The following PDSS2 variants were observed in gnomAD, a reference collection of about 807,000 sequenced individuals.
PDSS2 encodes decaprenyl diphosphate synthase subunit 2.
In PDSS2, 31 loss-of-function variants were observed where a neutral mutation model predicts 44.5. The ratio of observed to expected loss-of-function variants is 0.70; its 90% confidence interval spans 0.52 to 0.94. PDSS2 has a LOEUF of 0.94. Ranked by LOEUF, PDSS2 falls within the 40% of genes least tolerant of loss-of-function variation. The pLI is 0.00. For synonymous variants in PDSS2, 157 were observed against 180.3 expected (o/e 0.87, Z 1.03); for missense variants, 452 against 482.2 (o/e 0.94, Z 0.59).
At chr6:107,217,455 A>T (rs1009369657) in intron 4 of PDSS2, among the ~76,000 whole-genome samples, 11 of 152,162 alleles carry the variant, frequency 7.2e-5, no homozygotes, top group Non-Finnish European at 1.0e-4. Context: ...AGGAATAAAC[A>T]TGGAAATTAG....
At chr6:107,293,568 G>T (rs777150232) in intron 2 of PDSS2, among the ~76,000 whole-genome samples, 2 of 152,116 alleles carry the variant, frequency 1.3e-5, no homozygotes, top group African/African-American at 4.8e-5. Flanking sequence ...GCAGGTGGAG[G>T]ATTAAAGAAC....
At chr6:107,337,385 C>T (rs1159315768) in intron 1 of PDSS2, among the ~76,000 whole-genome samples, 1 of 152,186 alleles carries the variant, frequency 6.6e-6, no homozygotes, top group Non-Finnish European at 1.5e-5. Context: ...GATGCTCCAT[C>T]TGCTTCCTTT....
At chr6:107,295,150 T>C (rs1776472503) in intron 2 of PDSS2, among the ~76,000 whole-genome samples, 1 of 152,172 alleles carries the variant, frequency 6.6e-6, no homozygotes, top group African/African-American at 2.4e-5. Context: ...GCCAGGCTGG[T>C]CTTGAACTCC....
intron 1 of PDSS2, among the ~76,000 whole-genome samples, chr6:107,361,890 C>T (rs1409169201): frequency 6.6e-6 from 1 of 152,232 alleles, no homozygotes; most frequent in Non-Finnish European, 1.5e-5. Context: ...CCTCCATCCC[C>T]TTGCTTTATC....
chr6:107,432,951 C>A (rs1048651076), intron 1 of PDSS2, among the ~76,000 whole-genome samples: 1 of 152,084 alleles, frequency 6.6e-6, no homozygotes, highest in African/African-American at 2.4e-5. Context: ...TCCCTACCAC[C>A]CCAATAACCA....
chr6:107,212,360 G>T lies in PDSS2; in HGVS notation c.703-78C>A, dbSNP rs1773251033. 15 of 1,202,036 alleles carry T rather than the reference G, an allele frequency of 1.2e-5. No homozygotes were observed. In the East Asian group the frequency reaches 3.5e-4, roughly 28 times the overall value. The allele number at this position is 1,202,036 out of a possible 1,614,324, so 74.5% of individuals were successfully genotyped here. On this transcript the variant is annotated intron_variant, in intron 4 of 7. Coordinates refer to ENST00000369037, the MANE Select transcript of PDSS2 (RefSeq NM_020381.4). ...GTTTCTGTTTTTGAAGAATAAAAAA[G>T]TTAAGAAACGAACTATTCAAAAACA... is the stretch of plus-strand genomic sequence containing the variant.
At chr6:107,362,454 G>A (rs1013894760) in intron 1 of PDSS2, among the ~76,000 whole-genome samples, 1 of 152,186 alleles carries the variant, frequency 6.6e-6, no homozygotes, top group African/African-American at 2.4e-5. Context: ...CAAATAAAAG[G>A]AAGGGATAAA....
At chr6:107,298,188 AG>A (rs1776572813) in intron 2 of PDSS2, among the ~76,000 whole-genome samples, 3 of 152,250 alleles carry the variant, frequency 2.0e-5, no homozygotes, top group Admixed American at 2.0e-4. Flanking sequence ...AAGAAGTAGC[AG>A]AAAGTGAGAG....
chr6:107,258,524 G>A (rs1043058235), intron 3 of PDSS2, among the ~76,000 whole-genome samples: 9 of 151,726 alleles, frequency 5.9e-5, no homozygotes, highest in Admixed American at 3.9e-4. Context: ...ATGTTTCACC[G>A]GGCACAGTGG....
chr6:107,255,022 C>G (rs985748084), intron 3 of PDSS2, among the ~76,000 whole-genome samples: 1 of 151,470 alleles, frequency 6.6e-6, no homozygotes, highest in Non-Finnish European at 1.5e-5. Context: ...CATTACCATG[C>G]CCAGCTAACT....
rs12663791 is a variant in PDSS2, at chr6:107,162,571, A to T, written c.1042-7794T>A. ...TTGTTCAAGTTTCCAATTTTTAAAAATTTACACTTTTTCTTTTTATTTTGT... is the reference window on the plus strand; with the variant it reads ...TTGTTCAAGTTTCCAATTTTTAAAATTTTACACTTTTTCTTTTTATTTTGT... On this transcript the variant is annotated intron_variant, in intron 7 of 7. Transcript: ENST00000369037. 8.6e-3 allele frequency among the ~76,000 whole-genome samples: 1,262 copies of T among 146,518 alleles called. 72 individuals are homozygous for T. The East Asian group carries it at 0.15, about 17-fold the overall frequency.
intron 1 of PDSS2, among the ~76,000 whole-genome samples, chr6:107,359,324 A>C (rs1182025266): frequency 6.6e-6 from 1 of 151,844 alleles, no homozygotes; most frequent in African/African-American, 2.4e-5. Flanking sequence ...TATTCTCTTA[A>C]AGATTACTTC....
At chr6:107,387,775 T>C (rs927264897) in intron 1 of PDSS2, among the ~76,000 whole-genome samples, 1 of 152,216 alleles carries the variant, frequency 6.6e-6, no homozygotes, top group African/African-American at 2.4e-5. Context: ...GTATTAGAAG[T>C]TGCAATGATT....
chr6:107,264,171 T>C (rs1209697429), intron 3 of PDSS2: 2 of 878,030 alleles, frequency 2.3e-6, no homozygotes. Context: ...CTATAACAGA[T>C]AAGACAAACA....
intron 2 of PDSS2, among the ~76,000 whole-genome samples, chr6:107,320,820 T>C (rs1777358311): frequency 6.6e-6 from 1 of 152,112 alleles, no homozygotes; most frequent in Non-Finnish European, 1.5e-5. Context: ...AAAGAAAAAG[T>C]TTATAACCTG....
At chr6:107,160,186 A>G (rs1304513950) in intron 7 of PDSS2, among the ~76,000 whole-genome samples, 1 of 152,202 alleles carries the variant, frequency 6.6e-6, no homozygotes, top group Non-Finnish European at 1.5e-5. Flanking sequence ...ATTGCAATCC[A>G]GCCTGGGGGC....
chr6:107,417,926 C>T (rs1437477899), intron 1 of PDSS2, among the ~76,000 whole-genome samples: 2 of 151,470 alleles, frequency 1.3e-5, no homozygotes, highest in African/African-American at 4.9e-5. Flanking sequence ...ATCACAGATA[C>T]AACATTATAC....
rs756043067 is a variant in PDSS2, at chr6:107,207,978, G to GTTTTTTTTTTTT, written c.1008+2449_1008+2460dup. On this transcript the variant is annotated intron_variant, in intron 6 of 7. Coordinates refer to ENST00000369037, the MANE Select transcript of PDSS2 (RefSeq NM_020381.4). ...TTTTAGTTTTCTCTGTCTATGACTT[G>GTTTTTTTTTTTT]TTTTTTTTTTTTTTTTTTTTTTTAT... Among the ~76,000 whole-genome samples, 58 of 67,554 alleles carry GTTTTTTTTTTTT rather than the reference G, an allele frequency of 8.6e-4. 2 individuals carry two copies. The highest frequency in any genetic ancestry group is 3.0e-3 in the East Asian group (5 of 1,662). 44.3% of individuals were successfully genotyped at this position (67,554 alleles called of 152,430 possible).
At chr6:107,209,557 C>A (rs376198953) in intron 6 of PDSS2, among the ~76,000 whole-genome samples, 1 of 137,822 alleles carries the variant, frequency 7.3e-6, no homozygotes. Context: ...CACTTAGGCT[C>A]TAAGCTTTTT....
Sources: allele counts gnomAD v4.1 joint callset (sites outside exome capture counted in the v4.1 genomes callset), GRCh38; gene constraint gnomAD v4.1.1; transcripts MANE v1.5; gene names NCBI Gene and HGNC (gene_info 2026-07-23, HGNC 2026-07-21).